Variants in ARPC3 observed in about 807,000 individuals in gnomAD.
The protein encoded by ARPC3 is actin related protein 2/3 complex subunit 3, also known as actin-related protein 2/3 complex subunit 3.
Under a neutral mutation model 27.6 loss-of-function variants are expected in ARPC3, and 12 were observed. The ratio of observed to expected loss-of-function variants is 0.43; its 90% CI spans 0.28 to 0.70. ARPC3 has a LOEUF of 0.70. ARPC3 is among the 30% of genes least tolerant of loss of function. The pLI, the probability that ARPC3 is intolerant of heterozygous loss-of-function variation, is 0.17. For synonymous variants in ARPC3, 53 were observed against 67.2 expected, an observed-to-expected ratio of 0.79 and a Z score of 1.03; for missense variants, 153 against 207.7, an observed-to-expected ratio of 0.74 and a Z score of 1.62.
chr12:110,442,721 T>C (rs2062444788), intron 2 of ARPC3: 1 of 152,132 alleles, frequency 6.6e-6, no homozygotes, highest in African/African-American at 2.4e-5. Context: ...ATTTAGAACA[T>C]GTTGAGGTTC....
intron 4 of ARPC3, 47 bp from the exon 5 acceptor site, chr12:110,436,730 A>T (rs769648255): frequency 9.4e-7 from 1 of 1,063,974 alleles, no homozygotes; most frequent in Non-Finnish European, 1.4e-6. Flanking sequence ...ACACACACAC[A>T]CACACACACA....
intron 2 of ARPC3, among the ~76,000 whole-genome samples, chr12:110,441,033 C>T (rs1256837031): frequency 6.9e-5 from 8 of 116,322 alleles, no homozygotes; most frequent in East Asian, 2.6e-4. Context: ...TTAGTAAAGA[C>T]GGGGTTTCAC....
chr12:110,436,709 TATACACACACACACACACAC>T lies in ARPC3; in HGVS notation c.253-46_253-27del, dbSNP rs1223930422. The T allele has an allele frequency of 4.0e-5, 22 of 546,304 alleles. 2 individuals carry two copies. In the East Asian group the frequency reaches 6.0e-4, roughly 15 times the overall value. 33.8% of individuals were successfully genotyped at this position (546,304 alleles called of 1,614,324 possible). A position where few individuals can be genotyped will look rare whatever the true frequency, so the allele number is the denominator to read the frequency against. On this transcript the variant is annotated intron_variant, in intron 4 of 6. Coordinates refer to ENST00000228825, the MANE Select transcript of ARPC3 (RefSeq NM_001278556.2). ...CTGGAAAAAAAAATATATATATATA[TATACACACACACACACACAC>T]ACACACACACACACACACACACACA...
In ARPC3 at chr12:110,445,458, TG is replaced by T; in HGVS notation, c.99del (p.Arg34GlufsTer35). 6.2e-7 allele frequency: 1 copy of T among 1,606,308 alleles called. No individual in the cohort carries two copies. Among genetic ancestry groups the T allele is most frequent in the Non-Finnish European group, 8.5e-7 (1 of 1,172,844 alleles). On this transcript the variant is annotated frameshift_variant, in exon 2 of 7. Coordinates refer to ENST00000228825, the MANE Select transcript of ARPC3 (RefSeq NM_001278556.2). LOFTEE classifies it high-confidence loss of function. ...PIRSQFKGPAPRETKDTDIVD... is the reference protein window; with the variant it reads ...PIRSQFKGPAXRETKDTDIVD... The stretch of plus-strand genomic sequence containing the variant: ...ATAATGGGTTTAGACTTACTCTCTC[TG>T]GGGGCAGGTCCTTTGAATTGACTTC...
At chr12:110,450,208 TC>T in intron 1 of ARPC3, 46 bp downstream of exon 1, 1 of 1,613,150 alleles carries the variant, frequency 6.2e-7, no homozygotes, top group Non-Finnish European at 8.5e-7. Context: ...TTCTCTCTGC[TC>T]TTCGCAATCC....
In ARPC3 at chr12:110,436,101, G is replaced by A. The variant is rs1426784957; in HGVS notation, c.474+9C>T. On this transcript the variant is annotated intron_variant, in intron 6 of 6. Coordinates refer to ENST00000228825, the MANE Select transcript of ARPC3 (RefSeq NM_001278556.2). Reference sequence around the variant, plus strand: ...TTTACCAATTAAGCAGGCAAGAAGAGGGTCTTACCTTGCTGGGTTTATCAT... The same window carrying A: ...TTTACCAATTAAGCAGGCAAGAAGAAGGTCTTACCTTGCTGGGTTTATCAT... The A allele has an allele frequency of 2.3e-5, 37 of 1,603,886 alleles. No homozygotes were observed. Among genetic ancestry groups the A allele is most frequent in the Non-Finnish European group, 3.0e-5 (35 of 1,171,618 alleles).
Position 110,435,229 on chromosome 12 carries a change from G to A in ARPC3, c.475-12C>T. On this transcript the variant is annotated splice_polypyrimidine_tract_variant and intron_variant, in intron 6 of 6. Transcript: ENST00000228825. ...AAGCAAGTCCACCACTAACAAGAGA[G>A]AACAACACAGAATGAACAGCGGGGT... 4 of 1,603,526 alleles carry A rather than the reference G, an allele frequency of 2.5e-6. No homozygotes were observed. Among genetic ancestry groups the A allele is most frequent in the Non-Finnish European group, 3.4e-6 (4 of 1,170,624 alleles).
rs749558362 is a variant in ARPC3, at chr12:110,436,703, T to A, written c.253-20A>T. On this transcript the variant is annotated intron_variant, in intron 4 of 6. Transcript: ENST00000228825. ...ATTGCACTGGAAAAAAAAATATATA[T>A]ATATATATACACACACACACACACA... 0.013 allele frequency: 10,866 copies of A among 846,156 alleles called. 592 individuals carry two copies. Among genetic ancestry groups the A allele is most frequent in the African/African-American group, 0.032 (1,396 of 43,004 alleles). 52.4% of individuals were successfully genotyped at this position (846,156 alleles called of 1,614,324 possible). A position where few individuals can be genotyped will look rare whatever the true frequency, so the allele number is the denominator to read the frequency against.
chr12:110,442,338 T>C (rs922657138), intron 2 of ARPC3, among the ~76,000 whole-genome samples: 3 of 152,222 alleles, frequency 2.0e-5, no homozygotes, highest in African/African-American at 7.2e-5. Flanking sequence ...TCGGGCGCAG[T>C]GGCTCACGCC....
intron 2 of ARPC3, 103 bp downstream of exon 2, chr12:110,445,349 A>G (rs1180065771): frequency 3.3e-6 from 3 of 914,496 alleles, no homozygotes; most frequent in Non-Finnish European, 5.4e-6. Flanking sequence ...TACAAGGGCA[A>G]TTTGAGAGAG....
intron 1 of ARPC3, among the ~76,000 whole-genome samples, chr12:110,446,902 C>G (rs530518623): frequency 6.6e-6 from 1 of 152,176 alleles, no homozygotes; most frequent in Non-Finnish European, 1.5e-5. Context: ...CCACTGCACC[C>G]GGCAATAACC....
At chr12:110,439,139 C>G (rs932494411) in intron 3 of ARPC3, among the ~76,000 whole-genome samples, 1 of 151,872 alleles carries the variant, frequency 6.6e-6, no homozygotes, top group Non-Finnish European at 1.5e-5. Context: ...GCATGCACTA[C>G]TACACCTGGC....
intron 2 of ARPC3, among the ~76,000 whole-genome samples, chr12:110,444,196 C>A (rs1327786287): frequency 6.6e-6 from 1 of 152,064 alleles, no homozygotes; most frequent in Non-Finnish European, 1.5e-5. Context: ...GTCTTGAACT[C>A]CTGAACTCAG....
At chr12:110,436,040 T>C in intron 6 of ARPC3, 70 bp downstream of exon 6, 1 of 1,164,702 alleles carries the variant, frequency 8.6e-7, no homozygotes, top group South Asian at 1.2e-5. Flanking sequence ...TGGAAGACCT[T>C]AGTGTGTTCA....
chr12:110,443,405 C>T (rs187401987), intron 2 of ARPC3, among the ~76,000 whole-genome samples: 18 of 151,952 alleles, frequency 1.2e-4, no homozygotes, highest in Non-Finnish European at 1.2e-4. Flanking sequence ...GGATTACAGG[C>T]GTGAGCCACC....
intron 2 of ARPC3, chr12:110,444,734 T>TAA (rs1296645384): frequency 6.6e-6 from 1 of 152,292 alleles, no homozygotes; most frequent in East Asian, 1.9e-4. Flanking sequence ...AAATTAAGTT[T>TAA]AAAAAAGGTC....
chr12:110,443,713 G>A (rs1327567881), intron 2 of ARPC3, among the ~76,000 whole-genome samples: 5 of 152,184 alleles, frequency 3.3e-5, no homozygotes, highest in African/African-American at 9.6e-5. Context: ...GATTACAGGC[G>A]TGAGCCACTA....
Position 110,450,284 on chromosome 12 carries a change from C to T in ARPC3, c.-24G>A, listed in dbSNP as rs1436237921. ...ATCTTGGCGGCGCCCGGGTTTCAACCCAGAGGAGCAGGATCCAGGTACAGC... is the reference window on the plus strand; with the variant it reads ...ATCTTGGCGGCGCCCGGGTTTCAACTCAGAGGAGCAGGATCCAGGTACAGC... On this transcript the variant is annotated 5_prime_UTR_variant, in exon 1 of 7. Coordinates refer to ENST00000228825, the MANE Select transcript of ARPC3 (RefSeq NM_001278556.2). The T allele has an allele frequency of 1.2e-6, 2 of 1,613,890 alleles. No homozygotes were observed. Among genetic ancestry groups the T allele is most frequent in the Non-Finnish European group, 1.7e-6 (2 of 1,179,972 alleles).
chr12:110,446,670 G>A (rs1371924013), intron 1 of ARPC3, among the ~76,000 whole-genome samples: 3 of 142,848 alleles, frequency 2.1e-5, no homozygotes, highest in African/African-American at 5.3e-5. Flanking sequence ...GTGCGGTGGC[G>A]CGATCTCTGC....
Sources: allele counts gnomAD v4.1 joint callset (sites outside exome capture counted in the v4.1 genomes callset), GRCh38; gene constraint gnomAD v4.1.1; transcripts MANE v1.5; gene names NCBI Gene and HGNC (gene_info 2026-07-23, HGNC 2026-07-21).